Variants in DNAH6 observed in about 807,000 individuals in gnomAD.
DNAH6 encodes dynein axonemal heavy chain 6, also known as axonemal beta dynein heavy chain 6.
In DNAH6, 340 loss-of-function variants were observed where a neutral mutation model predicts 491.4. That is an observed-to-expected ratio of 0.69 (90% confidence interval 0.63 to 0.76). The LOEUF (loss-of-function observed/expected upper bound fraction) is 0.76, where lower values mean the gene tolerates loss of function less well. Among genes scored for constraint, DNAH6 ranks in the 30% least tolerant of loss-of-function variants. The pLI, the probability that DNAH6 is intolerant of heterozygous loss-of-function variation, is 0.00. For missense variants in DNAH6, 4,443 were observed against 4,972.2 expected, an observed-to-expected ratio of 0.89 and a Z score of 3.20; for synonymous variants, 1,603 against 1,686.1, an observed-to-expected ratio of 0.95 and a Z score of 1.21.
chr2:84,611,248 TAAAG>T (rs1686299560), intron 21 of DNAH6, among the ~76,000 whole-genome samples: 1 of 150,876 alleles, frequency 6.6e-6, no homozygotes, highest in African/African-American at 2.5e-5. Flanking sequence ...TTTTCTTTTT[TAAAG>T]AAAGGTGAAT....
chr2:84,510,258 G>T, the DNAH6 span, among the ~76,000 whole-genome samples: 2 of 152,168 alleles, frequency 1.3e-5, no homozygotes, highest in Admixed American at 6.5e-5. Context: ...ATATTTCTTG[G>T]AGGCTTTGTT....
intron 37 of DNAH6, among the ~76,000 whole-genome samples, chr2:84,667,736 C>G (rs1251794828): frequency 6.6e-6 from 1 of 152,212 alleles, no homozygotes. Flanking sequence ...CATCCCATTA[C>G]TGGGTATATA....
rs375138473 is a variant in DNAH6 at position 84,621,176 on chromosome 2, C to G, written c.3793-15C>G. ...CCACACAAGCCACTTTATCAATGCT[C>G]TGATTACCTTTTAGGTTAGCTTGGG... is the stretch of plus-strand genomic sequence containing the variant. On this transcript the variant is annotated splice_polypyrimidine_tract_variant and intron_variant, in intron 24 of 76. Coordinates refer to ENST00000389394, the MANE Select transcript of DNAH6 (RefSeq NM_001370.2). 2.1e-5 allele frequency: 32 copies of G among 1,550,998 alleles called. No individual in the cohort carries two copies. The highest frequency in any genetic ancestry group is 1.7e-4 in the Middle Eastern group (1 of 5,986).
chr2:84,707,179 A>G (rs1038752583), intron 53 of DNAH6, among the ~76,000 whole-genome samples, 160 bp downstream of exon 53: 1 of 152,230 alleles, frequency 6.6e-6, no homozygotes, highest in African/African-American at 2.4e-5. Context: ...TATATATTCA[A>G]CATCCTGTAC....
intron 13 of DNAH6, among the ~76,000 whole-genome samples, chr2:84,577,663 G>A (rs553029908): frequency 2.2e-4 from 34 of 151,772 alleles, no homozygotes; most frequent in Non-Finnish European, 4.4e-4. Flanking sequence ...TTCCATTGTC[G>A]GAGCATTTCA....
chr2:84,512,047 C>G (rs764674152), upstream of DNAH6, among the ~76,000 whole-genome samples: 2 of 152,102 alleles, frequency 1.3e-5, no homozygotes, highest in Non-Finnish European at 2.9e-5. Flanking sequence ...TTCATGTGCC[C>G]TTGAAAAGAA....
At chr2:84,774,888 A>G (rs918616161) in intron 64 of DNAH6, among the ~76,000 whole-genome samples, 14 of 152,238 alleles carry the variant, frequency 9.2e-5, no homozygotes, top group African/African-American at 2.9e-4. Context: ...CATTGATTTT[A>G]TATCCTGAAA....
chr2:84,682,366 C>A (rs148211304), intron 42 of DNAH6, among the ~76,000 whole-genome samples: 1 of 152,268 alleles, frequency 6.6e-6, no homozygotes. Context: ...TCCTCTTCTT[C>A]CCTACCTCAA....
intron 71 of DNAH6, among the ~76,000 whole-genome samples, chr2:84,806,436 G>A (rs188958623): frequency 5.3e-5 from 8 of 152,088 alleles, no homozygotes; most frequent in African/African-American, 1.2e-4. Context: ...TGGCTAACAC[G>A]GTGAAACCCC....
chr2:84,683,179 G>T (rs1693951242), intron 42 of DNAH6, among the ~76,000 whole-genome samples: 1 of 152,098 alleles, frequency 6.6e-6, no homozygotes, highest in South Asian at 2.1e-4. Context: ...CTGCATATAT[G>T]TGTGTTCATG....
At position 84,694,013 on chromosome 2, in the gene DNAH6, A is replaced by G. The variant is rs370793995; in HGVS notation, c.7293-236A>G. ...AGATTTTACTTTATTCTAAATTTGT[A>G]CGACTAGGGCCGAGACCCAACAGCC... On this transcript the variant is annotated intron_variant, in intron 45 of 76. Coordinates refer to ENST00000389394, the MANE Select transcript of DNAH6 (RefSeq NM_001370.2). 2.1e-4 allele frequency among the ~76,000 whole-genome samples: 32 copies of G among 152,232 alleles called. 1 individual carries two copies. The highest frequency in any genetic ancestry group is 2.9e-5 in the Non-Finnish European group (2 of 68,038).
In DNAH6 at chr2:84,697,571, A is replaced by G; in HGVS notation, c.7525-4A>G. 1 of 1,549,708 alleles carries G rather than the reference A, an allele frequency of 6.5e-7. No individual in the cohort carries two copies. Among genetic ancestry groups the G allele is most frequent in the East Asian group, 2.4e-5 (1 of 40,902 alleles). On this transcript the variant is annotated splice_polypyrimidine_tract_variant and splice_region_variant and intron_variant, in intron 46 of 76. Transcript: ENST00000389394. The stretch of plus-strand genomic sequence containing the variant: ...GTTGTAATGATCACTGCTTTCTTCT[A>G]CAGATTGTAGTGGAGGAGTTCCTAG...
chr2:84,653,972 A>G, intron 34 of DNAH6, 98 bp downstream of exon 34: 1 of 956,960 alleles, frequency 1.0e-6, no homozygotes, highest in East Asian at 2.6e-5. Flanking sequence ...ACTATCTATA[A>G]TGTCTATTAT....
At chr2:84,502,167 A>T in the DNAH6 span, among the ~76,000 whole-genome samples, 2 of 152,086 alleles carry the variant, frequency 1.3e-5, no homozygotes, top group African/African-American at 2.4e-5. Flanking sequence ...ATAGCTATAA[A>T]CGTCCCTCTT....
chr2:84,766,931 A>C lies in DNAH6; in HGVS notation c.10703+3986A>C, dbSNP rs575065343. On this transcript the variant is annotated intron_variant, in intron 64 of 76. Transcript: ENST00000389394. ...CAAAACAAATAATGCCAGGTAAGAA[A>C]TAAATGGTTTGTGGAAGAGGTGAAG... is the stretch of plus-strand genomic sequence containing the variant. 4.6e-5 allele frequency among the ~76,000 whole-genome samples: 7 copies of C among 152,292 alleles called. No homozygotes were observed. In the South Asian group the frequency reaches 1.5e-3, roughly 32 times the overall value.
the DNAH6 span, among the ~76,000 whole-genome samples, chr2:84,509,887 A>C: frequency 6.6e-6 from 1 of 152,334 alleles, no homozygotes; most frequent in South Asian, 2.1e-4. Flanking sequence ...TTCTTTAAGA[A>C]TGTTGAATAT....
intron 49 of DNAH6, among the ~76,000 whole-genome samples, chr2:84,701,871 A>G (rs1241055046): frequency 1.3e-5 from 2 of 152,166 alleles, no homozygotes; most frequent in African/African-American, 4.8e-5. Context: ...CCTCTCCATC[A>G]TGACATGTGC....
intron 12 of DNAH6, 95 bp from the exon 13 acceptor site, chr2:84,577,162 A>C (rs1682526627): frequency 1.4e-6 from 1 of 738,280 alleles, no homozygotes; most frequent in Non-Finnish European, 2.0e-6. Flanking sequence ...TATATGTGTA[A>C]ATTTATCAAT....
intron 8 of DNAH6, among the ~76,000 whole-genome samples, chr2:84,549,307 C>T (rs1257947785): frequency 2.0e-5 from 3 of 152,180 alleles, no homozygotes; most frequent in South Asian, 2.1e-4. Context: ...ATCAGTGAAG[C>T]GGTCTCTGAG....
Sources: allele counts gnomAD v4.1 joint callset (sites outside exome capture counted in the v4.1 genomes callset), GRCh38; gene constraint gnomAD v4.1.1; transcripts MANE v1.5; gene names NCBI Gene and HGNC (gene_info 2026-07-23, HGNC 2026-07-21).